The following TTC27 variants were observed in gnomAD, a reference collection of about 807,000 sequenced individuals.
TTC27 encodes the protein tetratricopeptide repeat domain 27, also known as tetratricopeptide repeat protein 27.
Under a neutral mutation model 115.9 loss-of-function variants are expected in TTC27, and 79 were observed. The ratio of observed to expected loss-of-function variants is 0.68; its 90% CI spans 0.57 to 0.82. TTC27 has a LOEUF of 0.82. Among genes scored for constraint, TTC27 ranks in the 40% least tolerant of loss-of-function variants. The pLI, the probability that TTC27 is intolerant of heterozygous loss-of-function variation, is 0.00. For missense variants in TTC27, 1,054 were observed against 993.1 expected (o/e 1.06, Z -0.82); for synonymous variants, 401 against 356.0 (o/e 1.13, Z -1.42).
intron 10 of TTC27, among the ~76,000 whole-genome samples, chr2:32,726,061 A>T (rs571102059): frequency 1.4e-4 from 21 of 152,266 alleles, no homozygotes; most frequent in African/African-American, 5.1e-4. Context: ...CTGCACACAG[A>T]ACAGGGACCC....
chr2:32,659,355 C>CT (rs78014491), intron 5 of TTC27, among the ~76,000 whole-genome samples: 72,570 of 118,174 alleles, frequency 0.61, 22,897 homozygotes, highest in East Asian at 0.83. Flanking sequence ...GGTGTTACCT[C>CT]TTTTTTTTTT....
intron 12 of TTC27, among the ~76,000 whole-genome samples, chr2:32,756,956 G>A (rs1377939321): frequency 6.6e-6 from 1 of 152,194 alleles, no homozygotes; most frequent in Non-Finnish European, 1.5e-5. Context: ...GAGTGATGAG[G>A]TAGCTCCAAA....
chr2:32,721,709 CAGTGGAATGATTAA>C (rs1558309849), intron 10 of TTC27, among the ~76,000 whole-genome samples: 12 of 150,686 alleles, frequency 8.0e-5, no homozygotes, highest in African/African-American at 2.9e-4. Context: ...CACTGGAGTA[CAGTGGAATGATTAA>C]GCTCTGAGGC....
intron 12 of TTC27, among the ~76,000 whole-genome samples, chr2:32,738,777 A>G (rs1668530844): frequency 6.6e-6 from 1 of 152,230 alleles, no homozygotes; most frequent in African/African-American, 2.4e-5. Flanking sequence ...AATCATCACA[A>G]TTCCATTTAC....
rs143030396 is a variant in TTC27 at position 32,742,185 on chromosome 2, A to G, written c.1452+5369A>G. Among the ~76,000 whole-genome samples the G allele has an allele frequency of 1.4e-3, 220 of 152,266 alleles. 2 individuals are homozygous for G. Among genetic ancestry groups the G allele is most frequent in the East Asian group, 0.012 (60 of 5,188 alleles). ...TGAGCTCAGACCTTTATTTCCTTTA[A>G]AGCCAGCACCCATTTCCCCACAACT... On this transcript the variant is annotated intron_variant, in intron 12 of 19. Coordinates refer to ENST00000317907, the MANE Select transcript of TTC27 (RefSeq NM_017735.5).
intron 18 of TTC27, among the ~76,000 whole-genome samples, chr2:32,816,316 C>CAA (rs199561706): frequency 4.8e-5 from 6 of 125,388 alleles, no homozygotes; most frequent in Non-Finnish European, 5.1e-5. Flanking sequence ...GACCTTGTCT[C>CAA]AAAAAAAAAA....
chr2:32,680,645 G>A (rs1278195299), intron 9 of TTC27, among the ~76,000 whole-genome samples: 1 of 152,140 alleles, frequency 6.6e-6, no homozygotes, highest in East Asian at 1.9e-4. Context: ...ACTGGATGGG[G>A]ACAAGTGTCT....
intron 16 of TTC27, among the ~76,000 whole-genome samples, chr2:32,801,568 C>T (rs1263621915): frequency 6.6e-6 from 1 of 152,200 alleles, no homozygotes; most frequent in Non-Finnish European, 1.5e-5. Flanking sequence ...TTCTGAGGTT[C>T]TGGGTGCACG....
At chr2:32,658,640 G>A (rs1157302340) in intron 5 of TTC27, among the ~76,000 whole-genome samples, 1 of 152,258 alleles carries the variant, frequency 6.6e-6, no homozygotes, top group Middle Eastern at 3.4e-3. Flanking sequence ...TGAAATGCTG[G>A]CTAACACATA....
At chr2:32,748,588 C>A (rs1282294676) in intron 12 of TTC27, among the ~76,000 whole-genome samples, 1 of 151,836 alleles carries the variant, frequency 6.6e-6, no homozygotes, top group East Asian at 1.9e-4. Flanking sequence ...TTGCTTCATG[C>A]AATTTGGAGT....
rs150094245 is a variant in TTC27 at position 32,810,272 on chromosome 2, T to C, written c.1999-752T>C. ...TTTAAGCGGAGTTAGAAGGTTATTA[T>C]AGCAGCCCAGATGGAAGTTAATGAG... On this transcript the variant is annotated intron_variant, in intron 16 of 19. Coordinates refer to ENST00000317907, the MANE Select transcript of TTC27 (RefSeq NM_017735.5). Among the ~76,000 whole-genome samples, 5 of 152,332 alleles carry C rather than the reference T, an allele frequency of 3.3e-5. No individual in the cohort carries two copies. In the East Asian group the frequency reaches 9.6e-4, roughly 29 times the overall value.
At chr2:32,778,556 A>T (rs1670073805) in intron 14 of TTC27, among the ~76,000 whole-genome samples, 1 of 152,106 alleles carries the variant, frequency 6.6e-6, no homozygotes, top group Non-Finnish European at 1.5e-5. Context: ...GTCTCTATAG[A>T]TTCACCTATT....
At chr2:32,729,811 C>T (rs776407599) in intron 10 of TTC27, among the ~76,000 whole-genome samples, 2 of 152,030 alleles carry the variant, frequency 1.3e-5, no homozygotes, top group Non-Finnish European at 2.9e-5. Flanking sequence ...ATATTTGCTT[C>T]TTCTCCCCCT....
intron 10 of TTC27, among the ~76,000 whole-genome samples, chr2:32,732,530 C>T (rs992006572): frequency 1.3e-5 from 2 of 152,272 alleles, no homozygotes; most frequent in African/African-American, 4.8e-5. Flanking sequence ...AGATTTTTAC[C>T]AGGACATGGT....
At chr2:32,772,492 G>A (rs549192409) in intron 13 of TTC27, among the ~76,000 whole-genome samples, 96 of 152,266 alleles carry the variant, frequency 6.3e-4, no homozygotes, top group Non-Finnish European at 1.1e-3. Flanking sequence ...TATGCTTAGA[G>A]TAACCATACA....
intron 5 of TTC27, among the ~76,000 whole-genome samples, chr2:32,653,520 G>A (rs978415708): frequency 2.0e-5 from 3 of 151,376 alleles, no homozygotes; most frequent in South Asian, 2.1e-4. Context: ...CTTGAACCTG[G>A]GAGGTAGAGG....
intron 13 of TTC27, among the ~76,000 whole-genome samples, chr2:32,760,476 G>A (rs983631639): frequency 4.6e-5 from 7 of 152,096 alleles, no homozygotes; most frequent in East Asian, 3.9e-4. Flanking sequence ...TAAACATCCC[G>A]TAATACACAG....
At chr2:32,688,195 T>A (rs1050813366) in intron 9 of TTC27, among the ~76,000 whole-genome samples, 2 of 152,178 alleles carry the variant, frequency 1.3e-5, no homozygotes, top group African/African-American at 4.8e-5. Flanking sequence ...AAACTCCAGA[T>A]GTTTGTAAAC....
chr2:32,808,355 C>G (rs1671205507), intron 16 of TTC27, among the ~76,000 whole-genome samples: 1 of 152,202 alleles, frequency 6.6e-6, no homozygotes, highest in Non-Finnish European at 1.5e-5. Flanking sequence ...TTATCTATTC[C>G]TCCAATGTGG....
Sources: allele counts gnomAD v4.1 joint callset (sites outside exome capture counted in the v4.1 genomes callset), GRCh38; gene constraint gnomAD v4.1.1; transcripts MANE v1.5; gene names NCBI Gene and HGNC (gene_info 2026-07-23, HGNC 2026-07-21).